ERICH1: variants seen among roughly 807,000 people sequenced by gnomAD.
ERICH1 encodes the protein glutamate-rich protein 1.
ERICH1 carries 56 observed loss-of-function variants against 39.6 expected under a neutral mutation model. That is an observed-to-expected ratio of 1.41 (90% CI 1.14 to 1.77). The LOEUF is 1.77. Among genes scored for constraint, ERICH1 ranks in the 40% most tolerant of loss-of-function variants. The probability of loss-of-function intolerance (pLI) is 0.00; values close to 1 mark genes in which losing one functional copy is unlikely to be tolerated. For synonymous variants in ERICH1, 313 were observed against 223.6 expected, an observed-to-expected ratio of 1.40 and a Z score of -3.57; for missense variants, 826 against 575.4, an observed-to-expected ratio of 1.44 and a Z score of -4.45.
At chr8:710,025 A>G (rs181954083) in intron 2 of ERICH1, among the ~76,000 whole-genome samples, 1 of 152,348 alleles carries the variant, frequency 6.6e-6, no homozygotes, top group Non-Finnish European at 1.5e-5. Context: ...AGGAAATGTT[A>G]GGGATGGCCT....
intron 3 of ERICH1, among the ~76,000 whole-genome samples, chr8:679,536 C>T (rs1033758161): frequency 1.3e-5 from 2 of 152,174 alleles, no homozygotes; most frequent in African/African-American, 2.4e-5. Context: ...GGGAGGGCCA[C>T]GGGCCCATCT....
At chr8:633,822 A>T (rs1470129205) in intron 3 of ERICH1, among the ~76,000 whole-genome samples, 1 of 152,272 alleles carries the variant, frequency 6.6e-6, no homozygotes, top group Non-Finnish European at 1.5e-5. Context: ...GGTGCTGGGA[A>T]ACAGGACATC....
In ERICH1 at chr8:692,610, T is replaced by C. The variant is rs764136785; in HGVS notation, c.172A>G (p.Thr58Ala). 25 of 1,590,870 alleles carry C rather than the reference T, an allele frequency of 1.6e-5. No homozygotes were observed. In the South Asian group the frequency reaches 2.6e-4, roughly 16 times the overall value. Residue 58 changes from threonine (T) to alanine (A), a missense_variant and splice_region_variant, in exon 3 of 6, where the codon ACT becomes GCT. Physicochemically the swap from Thr to Ala is moderately conservative, Grantham distance 58 (BLOSUM62 0). Coordinates refer to ENST00000262109, the MANE Select transcript of ERICH1 (RefSeq NM_207332.3). The part of the protein sequence containing the change: ...SQKHAEPLTD[T>A]GSETPTARRL... The stretch of plus-strand genomic sequence containing the variant: ...CGGGCAGTCGGGGTCTCAGAGCCAG[T>C]GTCTGCAACACAGGAGGAAAATAAC...
chr8:629,322 G>C (rs556050788), intron 3 of ERICH1, among the ~76,000 whole-genome samples: 28 of 150,448 alleles, frequency 1.9e-4, no homozygotes, highest in South Asian at 1.1e-3. Flanking sequence ...CACCCACAGA[G>C]ACAGAGCTGA....
chr8:681,418 T>G (rs1052756553), intron 3 of ERICH1, among the ~76,000 whole-genome samples: 3 of 152,246 alleles, frequency 2.0e-5, no homozygotes, highest in African/African-American at 7.2e-5. Flanking sequence ...TCACAATAAT[T>G]TGGCAACTGA....
intron 3 of ERICH1, among the ~76,000 whole-genome samples, chr8:639,369 C>T (rs1283046707): frequency 1.3e-5 from 2 of 152,082 alleles, no homozygotes; most frequent in Non-Finnish European, 2.9e-5. Context: ...CAATGTATAC[C>T]ATCAGGATGA....
chr8:671,846 A>G (rs1003747775), intron 4 of ERICH1: 2 of 162,880 alleles, frequency 1.2e-5, no homozygotes, highest in African/African-American at 2.5e-5. Flanking sequence ...CCCGGCTCTA[A>G]TGTCTGTGCT....
intron 3 of ERICH1, among the ~76,000 whole-genome samples, chr8:635,087 C>T (rs1324577034): frequency 6.7e-6 from 1 of 149,312 alleles, no homozygotes; most frequent in African/African-American, 2.4e-5. Flanking sequence ...AAGGGGTTGC[C>T]GGAGCCACTC....
At chr8:712,785 C>T (rs370418211) in intron 2 of ERICH1, among the ~76,000 whole-genome samples, 3 of 152,310 alleles carry the variant, frequency 2.0e-5, no homozygotes, top group East Asian at 1.9e-4. Flanking sequence ...AACTTTGTAT[C>T]GTACAACCCC....
chr8:674,750 G>C (rs1296381421), intron 3 of ERICH1, among the ~76,000 whole-genome samples: 1 of 152,196 alleles, frequency 6.6e-6, no homozygotes, highest in Non-Finnish European at 1.5e-5. Context: ...TAAAAAATAA[G>C]TAATGATGAT....
intron 2 of ERICH1, among the ~76,000 whole-genome samples, chr8:713,011 G>T (rs986248550): frequency 6.6e-6 from 1 of 152,254 alleles, no homozygotes; most frequent in Non-Finnish European, 1.5e-5. Context: ...TCACAGCCCG[G>T]AAGGCTGGAA....
At position 648,101 on chromosome 8, in the gene ERICH1, G is replaced by A. The variant is rs1799567419; in HGVS notation, c.976+20497C>T. 4.5e-5 allele frequency among the ~76,000 whole-genome samples: 3 copies of A among 67,074 alleles called. 1 individual carries two copies. Among genetic ancestry groups the A allele is most frequent in the Admixed American group, 3.8e-4 (3 of 7,916 alleles). 44.0% of individuals were successfully genotyped at this position (67,074 alleles called of 152,430 possible). On this transcript the variant is annotated intron_variant, in intron 3 of 3. Transcript: ENST00000522706. ...GGTGCACAGACAGCAAAATGTGTGCGCAACTTAGAAACAGGCTGCGAAGAG... is the reference window on the plus strand; with the variant it reads ...GGTGCACAGACAGCAAAATGTGTGCACAACTTAGAAACAGGCTGCGAAGAG...
At chr8:658,055 C>G (rs555023739) in intron 3 of ERICH1, among the ~76,000 whole-genome samples, 1 of 152,242 alleles carries the variant, frequency 6.6e-6, no homozygotes, top group Non-Finnish European at 1.5e-5. Context: ...GAGGCTGGCA[C>G]GGCCCCTTTC....
exon 4 of ERICH1, chr8:614,847 T>A (rs926761905): frequency 1.6e-5 from 3 of 189,764 alleles, no homozygotes; most frequent in Non-Finnish European, 3.2e-5. Flanking sequence ...GCATCCTTCG[T>A]GACAGGTGGA....
intron 3 of ERICH1, among the ~76,000 whole-genome samples, chr8:676,547 T>G (rs1361149861): frequency 6.6e-6 from 1 of 151,236 alleles, no homozygotes; most frequent in Admixed American, 6.6e-5. Context: ...AGAGGCACAC[T>G]ACCCGTGCTG....
intron 2 of ERICH1, among the ~76,000 whole-genome samples, chr8:696,922 T>G (rs1810443453): frequency 6.7e-6 from 1 of 149,818 alleles, no homozygotes; most frequent in South Asian, 2.2e-4. Flanking sequence ...CCCATCAGCC[T>G]GTACTCGCTT....
intron 1 of ERICH1, among the ~76,000 whole-genome samples, chr8:726,816 A>G (rs1003150350): frequency 5.3e-5 from 8 of 151,938 alleles, no homozygotes; most frequent in African/African-American, 1.9e-4. Context: ...GACACACACC[A>G]CACATGCACA....
intron 3 of ERICH1, 67 bp from the exon 4 acceptor site, chr8:674,114 AT>A (rs1804108333): frequency 6.8e-7 from 1 of 1,464,604 alleles, no homozygotes; most frequent in Admixed American, 2.6e-5. Flanking sequence ...ATTAGGCTAA[AT>A]AAATTTTCCA....
intron 3 of ERICH1, among the ~76,000 whole-genome samples, chr8:690,400 G>A (rs1808635744): frequency 6.6e-6 from 1 of 152,184 alleles, no homozygotes; most frequent in African/African-American, 2.4e-5. Context: ...AATTGATATG[G>A]TCAGTGAGCA....
Sources: allele counts gnomAD v4.1 joint callset (sites outside exome capture counted in the v4.1 genomes callset), GRCh38; gene constraint gnomAD v4.1.1; transcripts MANE v1.5; gene names NCBI Gene and HGNC (gene_info 2026-07-23, HGNC 2026-07-21).